The following CMPK1 variants were observed in gnomAD, a reference collection of about 807,000 sequenced individuals.
The protein encoded by CMPK1 is cytidine/uridine monophosphate kinase 1.
In CMPK1, 10 loss-of-function variants were observed where a neutral mutation model predicts 25.7. That is an observed-to-expected ratio of 0.39 (90% CI 0.24 to 0.66). CMPK1 has a LOEUF of 0.66. Among genes scored for constraint, CMPK1 ranks in the 30% least tolerant of loss-of-function variants. The pLI, the probability that CMPK1 is intolerant of heterozygous loss-of-function variation, is 0.48. For missense variants in CMPK1, 199 were observed against 280.5 expected, an observed-to-expected ratio of 0.71 and a Z score of 2.08; for synonymous variants, 106 against 101.5, an observed-to-expected ratio of 1.04 and a Z score of -0.27.
At chr1:47,373,148 C>G in intron 3 of CMPK1, 41 bp downstream of exon 3, 1 of 1,529,748 alleles carries the variant, frequency 6.5e-7, no homozygotes, top group Non-Finnish European at 8.8e-7. Context: ...CTTTAAGCAA[C>G]TGTTAGTCAA....
intron 1 of CMPK1, among the ~76,000 whole-genome samples, chr1:47,362,737 A>G (rs60407409): frequency 0.01 from 1,580 of 152,330 alleles, 35 homozygotes; most frequent in African/African-American, 0.036. Flanking sequence ...CCATACTTTA[A>G]TATGTGGATT....
chr1:47,340,825 C>T (rs957067292), intron 1 of CMPK1, among the ~76,000 whole-genome samples: 10 of 151,928 alleles, frequency 6.6e-5, no homozygotes, highest in Non-Finnish European at 1.0e-4. Flanking sequence ...TTAGTAGAGA[C>T]GGGGTTTCTC....
intron 2 of CMPK1, among the ~76,000 whole-genome samples, chr1:47,370,941 G>A (rs1271782176): frequency 6.7e-6 from 1 of 148,208 alleles, no homozygotes. Context: ...TGGGCAACAG[G>A]GTGAGATTCC....
intron 1 of CMPK1, among the ~76,000 whole-genome samples, chr1:47,364,272 T>C (rs1402387429): frequency 6.6e-6 from 1 of 152,156 alleles, no homozygotes; most frequent in Non-Finnish European, 1.5e-5. Flanking sequence ...GGACGCCTAA[T>C]AGTTTTATAT....
At position 47,368,569 on chromosome 1, in the gene CMPK1, A is replaced by T; in HGVS notation, c.272A>T (p.Glu91Val). The part of the protein sequence containing the change: ...YGELIEKYIK[E>V]GKIVPVEITI... ...GAACTTATTGAAAAGTACATTAAAGAAGGAAAGATTGTACCAGTTGAGATA... is the reference window on the plus strand; with the variant it reads ...GAACTTATTGAAAAGTACATTAAAGTAGGAAAGATTGTACCAGTTGAGATA... Residue 91 changes from glutamate (E) to valine (V), a missense_variant, in exon 2 of 6, where the codon GAA (glutamate) becomes GTA (valine). This residue lies in a region of CMPK1 where 140 missense variants were observed against 235.5 expected (regional missense o/e 0.59). Coordinates refer to ENST00000371873, the MANE Select transcript of CMPK1 (RefSeq NM_016308.3). The T allele has an allele frequency of 6.2e-7, 1 of 1,611,298 alleles. No individual in the cohort carries two copies. Among genetic ancestry groups the T allele is most frequent in the Non-Finnish European group, 8.5e-7 (1 of 1,178,578 alleles).
intron 1 of CMPK1, among the ~76,000 whole-genome samples, chr1:47,348,276 T>G (rs1646499180): frequency 6.6e-6 from 1 of 152,178 alleles, no homozygotes; most frequent in Non-Finnish European, 1.5e-5. Context: ...TTGTTTCATG[T>G]TGGCCTAGTC....
Position 47,377,293 on chromosome 1 carries a change from C to T in CMPK1, c.*548C>T, listed in dbSNP as rs2149335985. On this transcript the variant is annotated 3_prime_UTR_variant, in exon 6 of 6. Transcript: ENST00000371873. The stretch of plus-strand genomic sequence containing the variant: ...CATTTGCTGTAGAAAGATGAGAAAA[C>T]TTAAGCTTTGTTTTACTACAACTTG... The T allele has an allele frequency of 6.6e-6, 1 of 152,454 alleles. No homozygotes were observed. The highest frequency in any genetic ancestry group is 2.1e-4 in the South Asian group (1 of 4,822). 9.4% of individuals were successfully genotyped at this position (152,454 alleles called of 1,614,324 possible). A position where few individuals can be genotyped will look rare whatever the true frequency, so the allele number is the denominator to read the frequency against.
intron 2 of CMPK1, among the ~76,000 whole-genome samples, chr1:47,371,961 C>T (rs967672639): frequency 6.6e-6 from 1 of 152,164 alleles, no homozygotes; most frequent in Non-Finnish European, 1.5e-5. Context: ...TGGGAATCAT[C>T]CTATATTCTC....
intron 1 of CMPK1, among the ~76,000 whole-genome samples, chr1:47,362,770 A>G (rs4926836): frequency 0.26 from 39,193 of 152,176 alleles, 6,246 homozygotes; most frequent in East Asian, 0.54. Context: ...TGCATGGTCA[A>G]ATGCAATGCA....
At chr1:47,364,080 A>G (rs563298988) in intron 1 of CMPK1, among the ~76,000 whole-genome samples, 1 of 152,218 alleles carries the variant, frequency 6.6e-6, no homozygotes, top group African/African-American at 2.4e-5. Flanking sequence ...TACCTGCAGC[A>G]TTTTGGGGTG....
intron 1 of CMPK1, among the ~76,000 whole-genome samples, chr1:47,354,137 A>C (rs1646540757): frequency 6.6e-6 from 1 of 152,152 alleles, no homozygotes; most frequent in Non-Finnish European, 1.5e-5. Flanking sequence ...CAGTTTAGAC[A>C]ACATAGTGAA....
intron 1 of CMPK1, among the ~76,000 whole-genome samples, chr1:47,363,538 T>C (rs1295255251): frequency 6.6e-6 from 1 of 152,144 alleles, no homozygotes; most frequent in East Asian, 1.9e-4. Context: ...CTTGGGAGGC[T>C]GAGGCAGGAG....
At chr1:47,344,924 T>G (rs1266931225) in intron 1 of CMPK1, among the ~76,000 whole-genome samples, 1 of 152,100 alleles carries the variant, frequency 6.6e-6, no homozygotes, top group African/African-American at 2.4e-5. Context: ...ATTTATTTAT[T>G]TATTTATTTT....
In CMPK1 at chr1:47,333,852, C is replaced by T. The variant is rs12760270; in HGVS notation, c.-94C>T. The T allele has an allele frequency of 1.2e-5, 11 of 897,668 alleles. No individual in the cohort carries two copies. Among genetic ancestry groups the T allele is most frequent in the African/African-American group, 1.8e-5 (1 of 55,478 alleles). The allele number at this position is 897,668 out of a possible 1,614,324, so 55.6% of individuals were successfully genotyped here. A position where few individuals can be genotyped will look rare whatever the true frequency, so the allele number is the denominator to read the frequency against. On this transcript the variant is annotated 5_prime_UTR_variant, in exon 1 of 6. Coordinates refer to ENST00000371873, the MANE Select transcript of CMPK1 (RefSeq NM_016308.3). Reference sequence around the variant, plus strand: ...GCGGCGGGGCCGCGGCGGGCGCCGGCTCAGCCCGCCCCTTTCTCCCGCCGC... The same window carrying T: ...GCGGCGGGGCCGCGGCGGGCGCCGGTTCAGCCCGCCCCTTTCTCCCGCCGC...
Position 47,341,360 on chromosome 1 carries a change from TTTTG to T in CMPK1, c.171+7260_171+7263del, listed in dbSNP as rs942880401. Among the ~76,000 whole-genome samples, 12 of 152,244 alleles carry T rather than the reference TTTTG, an allele frequency of 7.9e-5. No individual in the cohort carries two copies. The South Asian group carries it at 8.3e-4, about 11-fold the overall frequency. On this transcript the variant is annotated intron_variant, in intron 1 of 5. Transcript: ENST00000371873. The stretch of plus-strand genomic sequence containing the variant: ...CTATAGATTTAATTCATTTGTGTTT[TTTTG>T]TTTGTTTGTTTGTTTTGAGACAGAG...
chr1:47,368,702 G>A (rs978375948), intron 2 of CMPK1, 87 bp downstream of exon 2: 2 of 1,233,502 alleles, frequency 1.6e-6, no homozygotes, highest in African/African-American at 1.6e-5. Flanking sequence ...GCTCATGCTT[G>A]TGATCCCAGC....
chr1:47,347,651 A>G (rs1327180841), intron 1 of CMPK1, among the ~76,000 whole-genome samples: 1 of 150,988 alleles, frequency 6.6e-6, no homozygotes, highest in African/African-American at 2.4e-5. Flanking sequence ...GTTGAGACAG[A>G]GTGTCACTCT....
chr1:47,341,790 T>G (rs894897979), intron 1 of CMPK1, among the ~76,000 whole-genome samples: 1 of 149,800 alleles, frequency 6.7e-6, no homozygotes, highest in African/African-American at 2.5e-5. Context: ...GCCCAGCTAA[T>G]TTTTTAGTAT....
At chr1:47,373,793 C>CA (rs1557433777) in intron 3 of CMPK1, among the ~76,000 whole-genome samples, 1 of 133,518 alleles carries the variant, frequency 7.5e-6, no homozygotes, top group South Asian at 2.3e-4. Flanking sequence ...AAGACTGTCT[C>CA]AAAAAAAAGA....
Sources: allele counts gnomAD v4.1 joint callset (sites outside exome capture counted in the v4.1 genomes callset), GRCh38; gene constraint gnomAD v4.1.1; regional missense constraint gnomAD v4.1.1; transcripts MANE v1.5; gene names NCBI Gene and HGNC (gene_info 2026-07-23, HGNC 2026-07-21).